RAB3C: variants seen among roughly 807,000 people sequenced by gnomAD.
RAB3C encodes the protein ras-related protein Rab-3C.
Under a neutral mutation model 26.4 loss-of-function variants are expected in RAB3C, and 17 were observed. The observed-to-expected ratio is 0.64, with a 90% CI of 0.44 to 0.97. The LOEUF (loss-of-function observed/expected upper bound fraction) is 0.97, where lower values mean the gene tolerates loss of function less well. Among genes scored for constraint, RAB3C ranks in the 50% least tolerant of loss-of-function variants. The pLI, the probability that RAB3C is intolerant of heterozygous loss-of-function variation, is 0.00. For missense variants in RAB3C, 242 were observed against 281.9 expected (o/e 0.86, Z 1.01); for synonymous variants, 91 against 95.9 (o/e 0.95, Z 0.30).
intron 2 of RAB3C, among the ~76,000 whole-genome samples, chr5:58,692,032 C>T (rs575639078): frequency 6.6e-6 from 1 of 152,186 alleles, no homozygotes; most frequent in African/African-American, 2.4e-5. Context: ...TCAGAACACC[C>T]AAGGATGAGT....
chr5:58,835,218 A>G (rs1743711866), intron 4 of RAB3C, among the ~76,000 whole-genome samples: 1 of 151,936 alleles, frequency 6.6e-6, no homozygotes, highest in Non-Finnish European at 1.5e-5. Context: ...AACTCTCAAG[A>G]CTCTGGCAAA....
chr5:58,820,302 G>T (rs1265380831), intron 3 of RAB3C, among the ~76,000 whole-genome samples: 2 of 151,394 alleles, frequency 1.3e-5, no homozygotes, highest in South Asian at 2.1e-4. Context: ...ACATCCTTTT[G>T]TTCTTGGCCA....
chr5:58,845,646 A>G (rs1490585390), intron 4 of RAB3C, among the ~76,000 whole-genome samples: 1 of 77,574 alleles, frequency 1.3e-5, no homozygotes, highest in Non-Finnish European at 2.8e-5. Flanking sequence ...GTATATATAC[A>G]TATATATACA....
At chr5:58,747,747 T>TATATATATGTA (rs1242597962) in intron 3 of RAB3C, among the ~76,000 whole-genome samples, 7 of 151,138 alleles carry the variant, frequency 4.6e-5, no homozygotes, top group African/African-American at 1.7e-4. Flanking sequence ...ATATATATGT[T>TATATATATGTA]ATATATATGT....
At chr5:58,784,119 C>T (rs1048298347) in intron 3 of RAB3C, among the ~76,000 whole-genome samples, 7 of 152,250 alleles carry the variant, frequency 4.6e-5, no homozygotes, top group Middle Eastern at 3.4e-3. Context: ...ACCTTCCCCT[C>T]TCCTGTTTGA....
intron 3 of RAB3C, among the ~76,000 whole-genome samples, chr5:58,748,187 G>C (rs537618337): frequency 2.0e-5 from 3 of 147,146 alleles, no homozygotes; most frequent in South Asian, 2.1e-4. Context: ...GAATTTCAAG[G>C]GGGGGGAAAT....
chr5:58,724,673 G>A (rs977925836), intron 2 of RAB3C, among the ~76,000 whole-genome samples: 1 of 151,132 alleles, frequency 6.6e-6, no homozygotes, highest in Non-Finnish European at 1.5e-5. Context: ...ACTTTGAGCG[G>A]GTTCTTTACC....
intron 1 of RAB3C, among the ~76,000 whole-genome samples, chr5:58,596,994 CATAATATAATATATAAATATATA>C (rs1561260365): frequency 2.8e-5 from 2 of 71,638 alleles, no homozygotes; most frequent in Non-Finnish European, 4.6e-5. Context: ...ATATATAATG[CATAATATAATATATAAATATATA>C]ATAATATAAT....
intron 2 of RAB3C, among the ~76,000 whole-genome samples, chr5:58,684,977 CAATATGTTACTGAT>C (rs1748414524): frequency 6.6e-6 from 1 of 152,156 alleles, no homozygotes; most frequent in African/African-American, 2.4e-5. Flanking sequence ...GAATATATTG[CAATATGTTACTGAT>C]AATATGTTAC....
intron 1 of RAB3C, among the ~76,000 whole-genome samples, chr5:58,595,282 A>C (rs1006259807): frequency 6.6e-6 from 1 of 152,168 alleles, no homozygotes; most frequent in African/African-American, 2.4e-5. Context: ...GGGCAGAGAT[A>C]ATTGATGAAA....
intron 3 of RAB3C, among the ~76,000 whole-genome samples, chr5:58,768,427 G>T (rs1197319692): frequency 8.9e-6 from 1 of 111,742 alleles, no homozygotes; most frequent in Non-Finnish European, 2.2e-5. Context: ...ATACGTACCA[G>T]CCACAAACAG....
chr5:58,845,612 A>ATATATG lies in RAB3C; in HGVS notation c.497-5551_497-5550insATATGT. On this transcript the variant is annotated intron_variant, in intron 4 of 4. Coordinates refer to ENST00000282878, the MANE Select transcript of RAB3C (RefSeq NM_138453.4). ...ATTCTTACTATATATATATATATAT[A>ATATATG]TGTGTGTGTGTGTGTGTGTATATGT... is the stretch of plus-strand genomic sequence containing the variant. Among the ~76,000 whole-genome samples, 64 of 81,722 alleles carry ATATATG rather than the reference A, an allele frequency of 7.8e-4. 1 individual carries two copies. The highest frequency in any genetic ancestry group is 1.3e-3 in the African/African-American group (23 of 17,204). The allele number at this position is 81,722 out of a possible 152,430, so 53.6% of individuals were successfully genotyped here.
At chr5:58,660,933 C>T (rs1465523462) in intron 2 of RAB3C, among the ~76,000 whole-genome samples, 1 of 150,008 alleles carries the variant, frequency 6.7e-6, no homozygotes, top group Non-Finnish European at 1.5e-5. Context: ...ATGCTTGAAG[C>T]TGGGGGAATG....
At chr5:58,811,078 C>G (rs1371172246) in intron 3 of RAB3C, among the ~76,000 whole-genome samples, 3 of 152,194 alleles carry the variant, frequency 2.0e-5, no homozygotes, top group African/African-American at 7.2e-5. Context: ...TAATGAACCA[C>G]TTCTCCACTG....
At chr5:58,690,695 G>T (rs1377474616) in intron 2 of RAB3C, among the ~76,000 whole-genome samples, 3 of 152,088 alleles carry the variant, frequency 2.0e-5, no homozygotes, top group South Asian at 2.1e-4. Context: ...ACTTGAAACT[G>T]TCAGGTCTAC....
At chr5:58,803,453 C>T (rs545143386) in intron 3 of RAB3C, among the ~76,000 whole-genome samples, 28 of 152,274 alleles carry the variant, frequency 1.8e-4, no homozygotes, top group African/African-American at 6.7e-4. Context: ...AACAAACTTA[C>T]AACTATACTT....
intron 2 of RAB3C, among the ~76,000 whole-genome samples, chr5:58,642,756 A>G (rs1302304916): frequency 6.6e-6 from 1 of 152,248 alleles, no homozygotes; most frequent in Non-Finnish European, 1.5e-5. Flanking sequence ...TCCTCCCTAG[A>G]GAACTCACTC....
rs552036887 is a variant in RAB3C, at chr5:58,665,769, T to C, written c.252+47899T>C. On this transcript the variant is annotated intron_variant, in intron 2 of 4. Coordinates refer to ENST00000282878, the MANE Select transcript of RAB3C (RefSeq NM_138453.4). ...CGTGGTAGCATCATAGTGCCTTGCA[T>C]GTTAAAGGTATCCCATACATGTATT... Among the ~76,000 whole-genome samples, 15 of 152,308 alleles carry C rather than the reference T, an allele frequency of 9.8e-5. No individual in the cohort carries two copies. The South Asian group carries it at 3.1e-3, about 32-fold the overall frequency.
intron 2 of RAB3C, among the ~76,000 whole-genome samples, chr5:58,695,308 C>T (rs1016085697): frequency 6.6e-6 from 1 of 152,162 alleles, no homozygotes; most frequent in African/African-American, 2.4e-5. Flanking sequence ...CCATACCATG[C>T]TGTTTTGGTC....
Sources: gnomAD v4.1 joint callset for allele counts (sites outside exome capture counted in the v4.1 genomes callset) on GRCh38, gnomAD v4.1.1 for gene constraint, MANE v1.5 for transcripts, NCBI Gene and HGNC (gene_info 2026-07-23, HGNC 2026-07-21) for gene names.